POLR1A: variants seen among roughly 807,000 people sequenced by gnomAD.
POLR1A encodes the protein DNA-directed RNA polymerase I subunit RPA1.
A neutral mutation model predicts 205.3 loss-of-function variants in POLR1A; 84 were observed. The ratio of observed to expected loss-of-function variants is 0.41; its 90% CI spans 0.34 to 0.49. The LOEUF (loss-of-function observed/expected upper bound fraction) is 0.49. Among genes scored for constraint, POLR1A ranks in the 20% least tolerant of loss-of-function variants. The pLI is 0.22. For synonymous variants in POLR1A, 799 were observed against 863.7 expected (o/e 0.93, Z 1.31); for missense variants, 1,645 against 2,204.5 (o/e 0.75, Z 5.08).
chr2:86,098,770 G>C lies in POLR1A; in HGVS notation c.283-10C>G. 2 of 1,613,612 alleles carry C rather than the reference G, an allele frequency of 1.2e-6. No individual in the cohort carries two copies. Among genetic ancestry groups the C allele is most frequent in the Non-Finnish European group, 1.7e-6 (2 of 1,179,702 alleles). On this transcript the variant is annotated splice_polypyrimidine_tract_variant and intron_variant, in intron 2 of 33. Transcript: ENST00000263857. ...GCAGCAGGTACAGCTTCTGAAGAGA[G>C]GGAATAAAAACAAACAGGATATTAG...
At chr2:86,075,792 G>A (rs1673271290) in intron 11 of POLR1A, among the ~76,000 whole-genome samples, 1 of 152,228 alleles carries the variant, frequency 6.6e-6, no homozygotes, top group Non-Finnish European at 1.5e-5. Context: ...ACAGGCGTGA[G>A]CCACCGCGCC....
chr2:86,034,649 A>T (rs781625208), intron 27 of POLR1A, among the ~76,000 whole-genome samples: 1 of 152,042 alleles, frequency 6.6e-6, no homozygotes, highest in Non-Finnish European at 1.5e-5. Context: ...GACTGTGAGA[A>T]TCGGGTCCCT....
intron 28 of POLR1A, among the ~76,000 whole-genome samples, 182 bp downstream of exon 28, chr2:86,033,479 C>A (rs548917263): frequency 9.8e-5 from 15 of 152,376 alleles, no homozygotes; most frequent in African/African-American, 3.1e-4. Flanking sequence ...GCTTGCCTGG[C>A]CCATCAGGCC....
rs765131837 is a variant in POLR1A at position 86,031,584 on chromosome 2, C to G, written c.4324G>C (p.Asp1442His). ...EEEREGEEND[D>H]EDMQEERNPH... The stretch of plus-strand genomic sequence containing the variant: ...TTTCGTTCCTCCTGCATGTCTTCAT[C>G]GTCGTTCTCCTCGCCCTCCCTCTCC... The change falls in exon 30 of 34, where the codon GAT becomes CAT. Residue 1442 changes from aspartate to histidine, a missense_variant. By Grantham distance (81) the Asp-to-His change is moderately conservative. Transcript: ENST00000263857. The G allele has an allele frequency of 4.3e-6, 7 of 1,613,754 alleles. No individual in the cohort carries two copies. In the East Asian group the frequency reaches 1.6e-4, roughly 36 times the overall value.
Position 86,077,845 on chromosome 2 carries a change from A to G in POLR1A, c.1380+14T>C, listed in dbSNP as rs781516662. 1.8e-5 allele frequency: 28 copies of G among 1,523,270 alleles called. No homozygotes were observed. Among genetic ancestry groups the G allele is most frequent in the Admixed American group, 1.4e-4 (8 of 55,640 alleles). The allele number at this position is 1,523,270 out of a possible 1,614,324, so 94.4% of individuals were successfully genotyped here. On this transcript the variant is annotated intron_variant, in intron 11 of 33. Coordinates refer to ENST00000263857, the MANE Select transcript of POLR1A (RefSeq NM_015425.6). ...CACACACACACACACACACACACAC[A>G]CACACACACACACCATGGGAATTCC...
chr2:86,040,304 C>T (rs1304940389), intron 25 of POLR1A, 88 bp downstream of exon 25: 3 of 1,056,098 alleles, frequency 2.8e-6, no homozygotes, highest in Middle Eastern at 2.1e-4. Context: ...CTCATTCACA[C>T]ACACTCACTC....
intron 5 of POLR1A, 47 bp from the exon 6 acceptor site, chr2:86,088,716 G>T (rs751709352): frequency 4.4e-5 from 70 of 1,598,290 alleles, no homozygotes; most frequent in Non-Finnish European, 5.4e-5. Flanking sequence ...AACCCAGTAA[G>T]ATATTTAATA....
chr2:86,031,187 G>T, intron 30 of POLR1A, 143 bp downstream of exon 30: 1 of 1,257,636 alleles, frequency 8.0e-7, no homozygotes, highest in Non-Finnish European at 1.0e-6. Context: ...CAGGAGGCCT[G>T]GCTGTGCTCT....
chr2:86,029,546 T>A (rs1307331698), intron 31 of POLR1A, among the ~76,000 whole-genome samples: 1 of 151,508 alleles, frequency 6.6e-6, no homozygotes, highest in Non-Finnish European at 1.5e-5. Flanking sequence ...TCTAGGCAGG[T>A]GATGCAGCAA....
intron 24 of POLR1A, among the ~76,000 whole-genome samples, chr2:86,041,188 T>C (rs1241565695): frequency 0.026 from 1,339 of 51,134 alleles, 36 homozygotes; most frequent in African/African-American, 0.064. Flanking sequence ...TGTGTGTGTG[T>C]GTGCGCGCTG....
Position 86,026,932 on chromosome 2 carries a change from CA to C in POLR1A, c.*490del. 3 of 176,330 alleles carry C rather than the reference CA, an allele frequency of 1.7e-5. No homozygotes were observed. The highest frequency in any genetic ancestry group is 5.3e-5 in the Admixed American group (1 of 18,706). 10.9% of individuals were successfully genotyped at this position (176,330 alleles called of 1,614,324 possible). On this transcript the variant is annotated 3_prime_UTR_variant, in exon 34 of 34. Transcript: ENST00000263857. ...GCAGCCGGAAGGAGCAGGCCTTGGG[CA>C]GCAGGCTCCACGTTCCTGCTCATCG... is the stretch of plus-strand genomic sequence containing the variant.
At chr2:86,087,692 G>A (rs1003487317) in intron 6 of POLR1A, among the ~76,000 whole-genome samples, 3 of 152,088 alleles carry the variant, frequency 2.0e-5, no homozygotes, top group Non-Finnish European at 2.9e-5. Context: ...ACAGGTGCCC[G>A]CCACCACGCC....
chr2:86,044,540 C>T (rs1398185427), intron 21 of POLR1A, among the ~76,000 whole-genome samples: 5 of 152,214 alleles, frequency 3.3e-5, no homozygotes, highest in Non-Finnish European at 5.9e-5. Flanking sequence ...AGCCATGTTA[C>T]TGAGCAGCTT....
chr2:86,074,980 A>C (rs3815840), intron 12 of POLR1A, 50 bp downstream of exon 12: 1 of 1,305,470 alleles, frequency 7.7e-7, no homozygotes, highest in South Asian at 1.3e-5. Context: ...CAATCACCAG[A>C]ATCCGAACAG....
intron 24 of POLR1A, among the ~76,000 whole-genome samples, chr2:86,041,188 TGTGCGCG>T (rs1672596297): frequency 2.0e-5 from 1 of 51,128 alleles, no homozygotes; most frequent in African/African-American, 5.1e-5. Flanking sequence ...TGTGTGTGTG[TGTGCGCG>T]CTGAGCTACA....
intron 16 of POLR1A, among the ~76,000 whole-genome samples, chr2:86,049,578 G>T (rs1672765246): frequency 6.6e-6 from 1 of 152,206 alleles, no homozygotes; most frequent in Admixed American, 6.5e-5. Context: ...CCATAGACAT[G>T]TGTTGGATGA....
In POLR1A at chr2:86,045,723, G is replaced by A. The variant is rs377398566; in HGVS notation, c.2780C>T (p.Pro927Leu). 2.9e-5 allele frequency: 46 copies of A among 1,609,856 alleles called. No individual in the cohort carries two copies. Among genetic ancestry groups the A allele is most frequent in the South Asian group, 5.5e-5 (5 of 90,306 alleles). Reference sequence around the variant, plus strand: ...CAGTGACTTGCCAGACGCCATCAGCGGGGGTCTCCGACCTTCCAGTTCAAT... The same window carrying A: ...CAGTGACTTGCCAGACGCCATCAGCAGGGGTCTCCGACCTTCCAGTTCAAT... ...GQIELEGRRP[P>L]LMASGKSLPC... The change falls in exon 20 of 34, where the codon CCG becomes CTG. Residue 927 changes from proline to leucine, a missense_variant. Coordinates refer to ENST00000263857, the MANE Select transcript of POLR1A (RefSeq NM_015425.6).
intron 12 of POLR1A, among the ~76,000 whole-genome samples, chr2:86,074,609 A>G (rs1673245538): frequency 1.3e-5 from 2 of 152,202 alleles, no homozygotes; most frequent in South Asian, 4.1e-4. Flanking sequence ...AAATGGAAAC[A>G]TTAGTTATAA....
intron 8 of POLR1A, 74 bp downstream of exon 8, chr2:86,081,527 C>G (rs1673401251): frequency 1.3e-5 from 12 of 929,502 alleles, no homozygotes; most frequent in Non-Finnish European, 2.0e-5. Context: ...GCCCTTTCAC[C>G]TCTCCTAGAG....
Sources: gnomAD v4.1 joint callset for allele counts (sites outside exome capture counted in the v4.1 genomes callset) on GRCh38, gnomAD v4.1.1 for gene constraint, MANE v1.5 for transcripts, NCBI Gene and HGNC (gene_info 2026-07-23, HGNC 2026-07-21) for gene names.